The following LRRC4C variants were observed in gnomAD, a reference collection of about 807,000 sequenced individuals.
LRRC4C encodes leucine rich repeat containing 4C, also known as leucine-rich repeat-containing protein 4C.
LRRC4C carries 5 observed loss-of-function variants against 33.6 expected under a neutral mutation model. The observed-to-expected ratio is 0.15, with a 90% CI of 0.08 to 0.31. The LOEUF (loss-of-function observed/expected upper bound fraction) is 0.31. Among genes scored for constraint, LRRC4C ranks in the 10% least tolerant of loss-of-function variants. LRRC4C has a pLI of 1.00. For synonymous variants in LRRC4C, 329 were observed against 302.0 expected, an observed-to-expected ratio of 1.09 and a Z score of -0.93; for missense variants, 560 against 796.7, an observed-to-expected ratio of 0.70 and a Z score of 3.58.
At chr11:40,768,629 G>T (rs960625287) in intron 2 of LRRC4C, among the ~76,000 whole-genome samples, 1 of 152,052 alleles carries the variant, frequency 6.6e-6, no homozygotes, top group African/African-American at 2.4e-5. Flanking sequence ...ATATTGAAAG[G>T]ATCATTCACT....
chr11:40,610,910 G>A (rs1961151375), intron 3 of LRRC4C, among the ~76,000 whole-genome samples: 1 of 151,820 alleles, frequency 6.6e-6, no homozygotes. Context: ...TGTGTCAATG[G>A]ACTGAAAGAT....
chr11:40,971,400 G>T (rs1295401596), intron 1 of LRRC4C, among the ~76,000 whole-genome samples: 2 of 152,192 alleles, frequency 1.3e-5, no homozygotes, highest in Non-Finnish European at 2.9e-5. Context: ...CAAGCTGTAA[G>T]TCTGTTTGGC....
intron 4 of LRRC4C, among the ~76,000 whole-genome samples, chr11:40,247,112 T>C (rs982676246): frequency 9.6e-5 from 14 of 145,378 alleles, no homozygotes; most frequent in African/African-American, 3.6e-4. Flanking sequence ...TCCTTTTCTC[T>C]CTTTTTTTTT....
chr11:40,854,723 A>G (rs1021639226), intron 2 of LRRC4C, among the ~76,000 whole-genome samples: 4 of 151,064 alleles, frequency 2.6e-5, no homozygotes, highest in Admixed American at 2.6e-4. Context: ...GTATATTAAT[A>G]TATATATTTT....
In LRRC4C at chr11:41,204,934, G is replaced by A. The variant is rs185789125; in HGVS notation, c.-496+254497C>T. 3.3e-3 allele frequency among the ~76,000 whole-genome samples: 498 copies of A among 152,234 alleles called. 3 individuals carry two copies. The highest frequency in any genetic ancestry group is 0.012 in the African/African-American group (484 of 41,552). On this transcript the variant is annotated intron_variant, in intron 1 of 6. Transcript: ENST00000528697. ...ATGAGGCAGATCATCCTGGAGTGTT[G>A]CCCACTTTAGATGAGATAGTAAGAA...
At chr11:40,428,873 T>A (rs767723718) in intron 3 of LRRC4C, among the ~76,000 whole-genome samples, 6 of 152,220 alleles carry the variant, frequency 3.9e-5, no homozygotes, top group Non-Finnish European at 5.9e-5. Context: ...TGTTCCCATA[T>A]ACTTAAAAGG....
chr11:40,695,069 C>T (rs991645005), intron 2 of LRRC4C, among the ~76,000 whole-genome samples: 3 of 151,996 alleles, frequency 2.0e-5, no homozygotes, highest in African/African-American at 7.2e-5. Flanking sequence ...AAACATTACA[C>T]GTTTTCTCCC....
At chr11:40,383,529 A>T (rs2137375481) in intron 3 of LRRC4C, among the ~76,000 whole-genome samples, 1 of 151,982 alleles carries the variant, frequency 6.6e-6, no homozygotes, top group East Asian at 1.9e-4. Context: ...TTGTTATCTT[A>T]TTTATTTTTT....
At chr11:41,343,432 G>GT (rs1951702372) in intron 1 of LRRC4C, among the ~76,000 whole-genome samples, 1 of 152,182 alleles carries the variant, frequency 6.6e-6, no homozygotes, top group Non-Finnish European at 1.5e-5. Flanking sequence ...AAAATTTACT[G>GT]TTCGAATATT....
intron 4 of LRRC4C, among the ~76,000 whole-genome samples, chr11:40,310,372 G>A (rs535071957): frequency 9.1e-4 from 139 of 152,206 alleles, no homozygotes; most frequent in African/African-American, 3.2e-3. Context: ...AGTTGAAAAT[G>A]GGCCCTAACA....
intron 5 of LRRC4C, among the ~76,000 whole-genome samples, chr11:40,223,113 A>G (rs1478572344): frequency 6.6e-6 from 1 of 152,212 alleles, no homozygotes; most frequent in Non-Finnish European, 1.5e-5. Context: ...AAGACTTTGA[A>G]TGGCAGGGTA....
intron 5 of LRRC4C, among the ~76,000 whole-genome samples, chr11:40,224,647 A>T (rs1397035087): frequency 6.6e-6 from 1 of 152,208 alleles, no homozygotes; most frequent in Non-Finnish European, 1.5e-5. Context: ...TTGAAATAAT[A>T]CTTTTGACCT....
chr11:40,679,296 G>T (rs1020698510), intron 2 of LRRC4C, among the ~76,000 whole-genome samples: 1 of 152,126 alleles, frequency 6.6e-6, no homozygotes, highest in Non-Finnish European at 1.5e-5. Flanking sequence ...GAACATTAAA[G>T]TTTGGAAAAT....
chr11:40,912,089 G>C (rs1484851792), intron 2 of LRRC4C, among the ~76,000 whole-genome samples: 2 of 152,180 alleles, frequency 1.3e-5, no homozygotes, highest in Non-Finnish European at 2.9e-5. Flanking sequence ...CTGAAAGTGA[G>C]GGGGAGAATG....
intron 3 of LRRC4C, among the ~76,000 whole-genome samples, chr11:40,326,353 G>A (rs1946101602): frequency 2.0e-5 from 3 of 152,068 alleles, no homozygotes. Flanking sequence ...CACGAGGTCA[G>A]AAGTTCAAGA....
At chr11:40,551,290 T>G (rs1465711001) in intron 3 of LRRC4C, among the ~76,000 whole-genome samples, 1 of 152,128 alleles carries the variant, frequency 6.6e-6, no homozygotes, top group Non-Finnish European at 1.5e-5. Flanking sequence ...GATATTTCAC[T>G]CCTAACATTT....
intron 3 of LRRC4C, among the ~76,000 whole-genome samples, chr11:40,516,897 T>C (rs2135187909): frequency 6.6e-6 from 1 of 152,300 alleles, no homozygotes; most frequent in Admixed American, 6.5e-5. Flanking sequence ...AGTTAGGTTC[T>C]CTGCACTATT....
At chr11:40,287,786 A>G (rs1010239663) in intron 4 of LRRC4C, among the ~76,000 whole-genome samples, 3 of 152,228 alleles carry the variant, frequency 2.0e-5, no homozygotes, top group Non-Finnish European at 4.4e-5. Flanking sequence ...CACAAAGTAT[A>G]TTTCAATCTT....
chr11:41,345,725 C>T (rs1346229642), intron 1 of LRRC4C, among the ~76,000 whole-genome samples: 1 of 152,124 alleles, frequency 6.6e-6, no homozygotes, highest in South Asian at 2.1e-4. Context: ...CCAGCCCCTA[C>T]AGATTTCTCT....
Sources: gnomAD v4.1 joint callset for allele counts (sites outside exome capture counted in the v4.1 genomes callset) on GRCh38, gnomAD v4.1.1 for gene constraint, MANE v1.5 for transcripts, NCBI Gene and HGNC (gene_info 2026-07-23, HGNC 2026-07-21) for gene names.